LMF1: variants seen among roughly 807,000 people sequenced by gnomAD.
LMF1 encodes the protein transmembrane protein 112.
LMF1 carries 68 observed loss-of-function variants against 60.6 expected under a neutral mutation model. The observed-to-expected ratio is 1.12, with a 90% CI of 0.92 to 1.37. The LOEUF (loss-of-function observed/expected upper bound fraction) is 1.37, where lower values mean the gene tolerates loss of function less well. Ranked by LOEUF, LMF1 falls within the 40% of genes most tolerant of loss-of-function variation. LMF1 has a pLI of 0.00. For synonymous variants in LMF1, 418 were observed against 324.7 expected (o/e 1.29, Z -3.09); for missense variants, 948 against 767.2 (o/e 1.24, Z -2.78).
intron 9 of LMF1, 116 bp from the exon 10 acceptor site, chr16:869,172 C>T: frequency 1.3e-6 from 1 of 761,422 alleles, no homozygotes; most frequent in South Asian, 1.4e-5. Flanking sequence ...AGGTGGGTTC[C>T]CTGGGCAGCC....
intron 8 of LMF1, among the ~76,000 whole-genome samples, chr16:870,351 G>C (rs535682291): frequency 3.3e-5 from 5 of 152,236 alleles, no homozygotes; most frequent in Admixed American, 2.0e-4. Context: ...GTGGACATGA[G>C]GGGGACAGAG....
chr16:877,641 C>T (rs762154373), intron 6 of LMF1, among the ~76,000 whole-genome samples: 5 of 152,180 alleles, frequency 3.3e-5, no homozygotes, highest in Non-Finnish European at 5.9e-5. Context: ...AAAGCAGCCA[C>T]GAAAACAACC....
intron 6 of LMF1, among the ~76,000 whole-genome samples, chr16:877,250 CT>C (rs951059177): frequency 1.3e-4 from 20 of 152,254 alleles, no homozygotes; most frequent in Non-Finnish European, 2.1e-4. Context: ...AATACTATGA[CT>C]TTTTTTGCCA....
intron 2 of LMF1, among the ~76,000 whole-genome samples, chr16:953,195 C>T (rs1382020864): frequency 8.2e-6 from 1 of 121,880 alleles, no homozygotes. Context: ...AACCAGCCTC[C>T]TACATGTCCA....
At chr16:861,031 G>A (rs747428256) in intron 10 of LMF1, among the ~76,000 whole-genome samples, 2 of 151,670 alleles carry the variant, frequency 1.3e-5, no homozygotes, top group Non-Finnish European at 2.9e-5. Flanking sequence ...TTTTTTAATA[G>A]GAATTGCATT....
intron 3 of LMF1, among the ~76,000 whole-genome samples, chr16:929,789 C>T (rs1567260003): frequency 6.6e-6 from 1 of 152,268 alleles, no homozygotes; most frequent in African/African-American, 2.4e-5. Context: ...TTTCCTGCGT[C>T]CTGGAAAGCG....
At chr16:965,937 G>C (rs2072914537) in intron 1 of LMF1, among the ~76,000 whole-genome samples, 1 of 148,716 alleles carries the variant, frequency 6.7e-6, no homozygotes, top group Non-Finnish European at 1.5e-5. Context: ...TCCTCTCCCT[G>C]ACTGCAAGGA....
chr16:937,475 G>A (rs942723482), intron 2 of LMF1, among the ~76,000 whole-genome samples: 2 of 151,826 alleles, frequency 1.3e-5, no homozygotes, highest in Non-Finnish European at 2.9e-5. Context: ...CTGACAGGCC[G>A]CTGGGGTCTC....
chr16:859,919 C>T lies in LMF1; in HGVS notation c.1530-5213G>A, dbSNP rs565428263. Among the ~76,000 whole-genome samples the T allele has an allele frequency of 6.9e-5, 9 of 129,830 alleles. 1 individual carries two copies. Among genetic ancestry groups the T allele is most frequent in the East Asian group, 4.1e-4 (2 of 4,914 alleles). 85.2% of individuals were successfully genotyped at this position (129,830 alleles called of 152,430 possible). A position where few individuals can be genotyped will look rare whatever the true frequency, so the allele number is the denominator to read the frequency against. ...TCGGGATGGGTGTGCAGTGGTGTCA[C>T]GGGATCGGTGTGAGTGGTGTCACGG... On this transcript the variant is annotated intron_variant, in intron 10 of 10. Coordinates refer to ENST00000262301, the MANE Select transcript of LMF1 (RefSeq NM_022773.4).
rs562002133 is a variant in LMF1 at position 854,377 on chromosome 16, G to C, written c.*155C>G. ...GGAGCCGCCACAGTATGTGACAACA[G>C]ACCCCACCCTGGACCCCCGTGCTGG... is the stretch of plus-strand genomic sequence containing the variant. On this transcript the variant is annotated 3_prime_UTR_variant, in exon 11 of 11. Transcript: ENST00000262301. 1 of 836,558 alleles carries C rather than the reference G, an allele frequency of 1.2e-6. No homozygotes were observed. The highest frequency in any genetic ancestry group is 1.7e-5 in the African/African-American group (1 of 59,546). The allele number at this position is 836,558 out of a possible 1,614,324, so 51.8% of individuals were successfully genotyped here.
intron 6 of LMF1, 71 bp downstream of exon 6, chr16:879,499 G>A: frequency 6.4e-7 from 1 of 1,551,620 alleles, no homozygotes; most frequent in Non-Finnish European, 8.8e-7. Context: ...CCAGAGAGCG[G>A]GGCAGCCAGA....
At chr16:960,584 G>A (rs1316292944) in intron 1 of LMF1, among the ~76,000 whole-genome samples, 10 of 99,590 alleles carry the variant, frequency 1.0e-4, no homozygotes, top group African/African-American at 3.4e-4. Flanking sequence ...ACGGGATCAC[G>A]ACCCAGACAC....
At chr16:857,606 C>T (rs1434417061) in intron 10 of LMF1, among the ~76,000 whole-genome samples, 3 of 51,166 alleles carry the variant, frequency 5.9e-5, no homozygotes, top group Non-Finnish European at 1.0e-4. Context: ...TGTCACGGGA[C>T]GGGTGTGAGT....
intron 5 of LMF1, among the ~76,000 whole-genome samples, chr16:890,862 G>GT (rs2070464255): frequency 1.9e-5 from 1 of 52,514 alleles, no homozygotes; most frequent in Admixed American, 2.5e-4. Flanking sequence ...CCAACCCTCC[G>GT]GTGGCAGTGA....
At chr16:933,804 T>C in intron 3 of LMF1, 2 of 446,800 alleles carry the variant, frequency 4.5e-6, no homozygotes, top group Non-Finnish European at 7.6e-6. Flanking sequence ...TTGACTGCGT[T>C]GTGTGGGATG....
intron 4 of LMF1, chr16:902,311 C>G (rs1309080476): frequency 6.6e-6 from 1 of 152,580 alleles, no homozygotes; most frequent in Non-Finnish European, 1.5e-5. Context: ...TTCTCCCTGA[C>G]TTGTCAGCTT....
chr16:978,973 C>T (rs2151512392), intron 1 of LMF1: 1 of 453,988 alleles, frequency 2.2e-6, no homozygotes, highest in East Asian at 7.0e-5. Flanking sequence ...AGATGCTTTC[C>T]CAGACCATCC....
chr16:968,969 C>T (rs1248296071), intron 1 of LMF1: 1 of 152,184 alleles, frequency 6.6e-6, no homozygotes, highest in Non-Finnish European at 1.5e-5. Flanking sequence ...AGTGACAGCA[C>T]CAACATTTAA....
At chr16:952,308 A>ACC (rs3884217) in intron 2 of LMF1, among the ~76,000 whole-genome samples, 14,480 of 146,790 alleles carry the variant, frequency 0.099, 739 homozygotes, top group Non-Finnish European at 0.11. Context: ...CAAAGTGGGG[A>ACC]CCCCCCCCCA....
Sources: allele counts gnomAD v4.1 joint callset (sites outside exome capture counted in the v4.1 genomes callset), GRCh38; gene constraint gnomAD v4.1.1; transcripts MANE v1.5; gene names NCBI Gene and HGNC (gene_info 2026-07-23, HGNC 2026-07-21).